MBNL3: variants seen among roughly 807,000 people sequenced by gnomAD.
The protein encoded by MBNL3 is muscleblind-like protein 3.
Under a neutral mutation model 24.5 loss-of-function variants are expected in MBNL3, and 6 were observed. The observed-to-expected ratio is 0.25, with a 90% CI of 0.13 to 0.48. MBNL3 has a LOEUF of 0.48. Among genes scored for constraint, MBNL3 ranks in the 20% least tolerant of loss-of-function variants. The pLI is 0.99. For missense variants in MBNL3, 230 were observed against 293.5 expected, an observed-to-expected ratio of 0.78 and a Z score of 1.58; for synonymous variants, 100 against 101.7, an observed-to-expected ratio of 0.98 and a Z score of 0.10.
chrX:132,371,797 G>A lies in MBNL3; in HGVS notation c.*7869C>T, dbSNP rs1302228628. 3.6e-5 allele frequency: 4 copies of A among 110,997 alleles called. No homozygotes were observed. The highest frequency in any genetic ancestry group is 7.6e-5 in the Non-Finnish European group (4 of 52,859). The allele number at this position is 110,997 out of a possible 1,213,427, so 9.1% of individuals were successfully genotyped here. A position where few individuals can be genotyped will look rare whatever the true frequency, so the allele number is the denominator to read the frequency against. ...ATAAGAGTAATAGGTCTAACACAAC[G>A]GATATATTATCTACATAATTCAAAA... On this transcript the variant is annotated 3_prime_UTR_variant, in exon 9 of 9. Transcript: ENST00000370853.
intron 1 of MBNL3, among the ~76,000 whole-genome samples, chrX:132,480,486 T>A (rs1311109247): frequency 1.8e-5 from 2 of 111,960 alleles, no homozygotes; most frequent in African/African-American, 3.3e-5. Flanking sequence ...CAACTTTATT[T>A]GGCCAGTCTC....
At chrX:132,436,346 T>C (rs1411941123) in intron 2 of MBNL3, among the ~76,000 whole-genome samples, 6 of 112,006 alleles carry the variant, frequency 5.4e-5, no homozygotes, top group African/African-American at 1.9e-4. Context: ...CAATACACAA[T>C]CAGCCATCCA....
intron 6 of MBNL3, among the ~76,000 whole-genome samples, chrX:132,386,338 A>T (rs1488864279): frequency 1.8e-5 from 2 of 111,738 alleles, no homozygotes; most frequent in Admixed American, 1.9e-4. Context: ...ACAGCACTCT[A>T]CTGTCTGTGA....
At chrX:132,452,978 C>G (rs1946186650) in intron 1 of MBNL3, among the ~76,000 whole-genome samples, 1 of 111,683 alleles carries the variant, frequency 9.0e-6, no homozygotes, top group Admixed American at 9.5e-5. Context: ...GGGAGCTGGG[C>G]CTTAAAGAAT....
At position 132,371,171 on chromosome X, in the gene MBNL3, C is replaced by T. The variant is rs973926156; in HGVS notation, c.*8495G>A. The T allele has an allele frequency of 1.8e-5, 2 of 111,042 alleles. No individual in the cohort carries two copies. The highest frequency in any genetic ancestry group is 3.8e-5 in the Non-Finnish European group (2 of 52,970). The allele number at this position is 111,042 out of a possible 1,213,427, so 9.2% of individuals were successfully genotyped here. A position where few individuals can be genotyped will look rare whatever the true frequency, so the allele number is the denominator to read the frequency against. Reference sequence around the variant, plus strand: ...ACCTTAGAAATAGTAAAACAGGGCACAAGGGGCAAGAGAACTATGTATAGG... The same window carrying T: ...ACCTTAGAAATAGTAAAACAGGGCATAAGGGGCAAGAGAACTATGTATAGG... On this transcript the variant is annotated 3_prime_UTR_variant, in exon 9 of 9. Transcript: ENST00000370853.
chrX:132,386,762 T>G lies in MBNL3; in HGVS notation c.821A>C (p.Glu274Ala), dbSNP rs1320051517. 1 of 1,211,151 alleles carries G rather than the reference T, an allele frequency of 8.3e-7. No homozygotes were observed. Among genetic ancestry groups the G allele is most frequent in the Admixed American group, 2.2e-5 (1 of 45,988 alleles). ...LQLIPKRSAL[E>A]KPNGATPVFN... ...GACCGGGGTGGCACCATTGGGCTTT[T>G]CCAGTGCTGATCTCTTTGGTATCAG... The change falls in exon 6 of 9, where the codon GAA (glutamate) becomes GCA (alanine). Residue 274 changes from glutamate (E) to alanine (A), a missense_variant. Coordinates refer to ENST00000370853, the MANE Select transcript of MBNL3 (RefSeq NM_001386889.1).
At chrX:132,425,374 T>G (rs1020182695) in intron 2 of MBNL3, among the ~76,000 whole-genome samples, 3 of 112,007 alleles carry the variant, frequency 2.7e-5, no homozygotes, top group African/African-American at 9.7e-5. Flanking sequence ...GATATTGAAA[T>G]TACTTTCCTA....
At position 132,379,056 on chromosome X, in the gene MBNL3, C is replaced by T. The variant is rs183960148; in HGVS notation, c.*610G>A. On this transcript the variant is annotated 3_prime_UTR_variant, in exon 9 of 9. Transcript: ENST00000370853. The stretch of plus-strand genomic sequence containing the variant: ...ACAGAAATATTCTAAAGAAAGAGAG[C>T]ATATTTGCATGAACCTGTCATGTTC... The T allele has an allele frequency of 8.9e-6, 1 of 112,012 alleles. No homozygotes were observed. Among genetic ancestry groups the T allele is most frequent in the East Asian group, 2.8e-4 (1 of 3,553 alleles). The allele number at this position is 112,012 out of a possible 1,213,427, so 9.2% of individuals were successfully genotyped here. A position where few individuals can be genotyped will look rare whatever the true frequency, so the allele number is the denominator to read the frequency against.
At chrX:132,416,868 TG>T (rs1943347547) in intron 2 of MBNL3, among the ~76,000 whole-genome samples, 1 of 112,127 alleles carries the variant, frequency 8.9e-6, no homozygotes, top group Non-Finnish European at 1.9e-5. Flanking sequence ...AAAAAGCATC[TG>T]AAAATTAGGC....
intron 1 of MBNL3, among the ~76,000 whole-genome samples, chrX:132,463,899 A>C (rs1287252435): frequency 1.8e-5 from 2 of 112,284 alleles, no homozygotes; most frequent in Non-Finnish European, 3.8e-5. Flanking sequence ...CAAAGTTAAA[A>C]AAGGTTAAGC....
intron 6 of MBNL3, 99 bp downstream of exon 6, chrX:132,386,562 T>C: frequency 1.1e-6 from 1 of 936,378 alleles, no homozygotes; most frequent in African/African-American, 1.9e-5. Flanking sequence ...AAAATACATG[T>C]CGACAGTCCT....
At position 132,422,842 on chromosome X, in the gene MBNL3, C is replaced by T. The variant is rs1464692063; in HGVS notation, c.178-16450G>A. 4.5e-5 allele frequency among the ~76,000 whole-genome samples: 5 copies of T among 111,823 alleles called. No individual in the cohort carries two copies. The South Asian group carries it at 1.1e-3, about 25-fold the overall frequency. On this transcript the variant is annotated intron_variant, in intron 2 of 8. Transcript: ENST00000370853. The stretch of plus-strand genomic sequence containing the variant: ...GGAGAGTTTCTTGAAACACAAAGTG[C>T]CAGGCCTCCCCACAGAGTTTCTGAT...
At chrX:132,381,871 A>G (rs1033413604) in intron 8 of MBNL3, among the ~76,000 whole-genome samples, 1 of 112,100 alleles carries the variant, frequency 8.9e-6, no homozygotes, top group African/African-American at 3.2e-5. Flanking sequence ...CTCTTGACCA[A>G]TGAGGAAGCA....
chrX:132,454,093 A>G (rs1198184647), intron 1 of MBNL3, among the ~76,000 whole-genome samples: 1 of 111,114 alleles, frequency 9.0e-6, no homozygotes, highest in East Asian at 2.8e-4. Flanking sequence ...TTCTGTCTCA[A>G]AAAGAAAAAG....
intron 1 of MBNL3, among the ~76,000 whole-genome samples, chrX:132,442,253 T>G (rs866082420): frequency 1.8e-5 from 2 of 111,933 alleles, no homozygotes; most frequent in African/African-American, 3.2e-5. Flanking sequence ...TTGGGTAATA[T>G]GTGAATTACA....
In MBNL3 at chrX:132,386,772, A is replaced by G. The variant is rs1231483321; in HGVS notation, c.811T>C (p.Ser271Pro). The change falls in exon 6 of 9, where the codon TCA (serine) becomes CCA (proline). Residue 271 changes from serine (S) to proline (P), a missense_variant. By Grantham distance (74) the Ser-to-Pro change is moderately conservative (BLOSUM62 -1). Coordinates refer to ENST00000370853, the MANE Select transcript of MBNL3 (RefSeq NM_001386889.1). ...GCACCATTGGGCTTTTCCAGTGCTG[A>G]TCTCTTTGGTATCAGTTGCAGTGTA... ...PGTLQLIPKR[S>P]ALEKPNGATP... 6 of 1,211,091 alleles carry G rather than the reference A, an allele frequency of 5.0e-6. No homozygotes were observed. The Admixed American group carries it at 1.3e-4, about 26-fold the overall frequency.
intron 5 of MBNL3, among the ~76,000 whole-genome samples, chrX:132,390,265 CAAAAAAAAAAAAA>C (rs59093044): frequency 1.3e-4 from 4 of 31,618 alleles, no homozygotes; most frequent in African/African-American, 5.2e-4. Flanking sequence ...ACAACAACAA[CAAAAAAAAAAAAA>C]AAAAAAAAAA....
At chrX:132,403,451 A>G (rs981428706) in intron 3 of MBNL3, among the ~76,000 whole-genome samples, 4 of 111,998 alleles carry the variant, frequency 3.6e-5, no homozygotes, top group Non-Finnish European at 5.6e-5. Flanking sequence ...GTAACATTCT[A>G]TAAAATAAAT....
intron 1 of MBNL3, among the ~76,000 whole-genome samples, chrX:132,450,675 C>T (rs1946052467): frequency 8.9e-6 from 1 of 112,356 alleles, no homozygotes; most frequent in African/African-American, 3.2e-5. Context: ...GTCAATTCAT[C>T]AAACTCATTC....
Sources: allele counts gnomAD v4.1 joint callset (sites outside exome capture counted in the v4.1 genomes callset), GRCh38; gene constraint gnomAD v4.1.1; transcripts MANE v1.5; gene names NCBI Gene and HGNC (gene_info 2026-07-23, HGNC 2026-07-21).